OR5L1: variants seen among roughly 807,000 people sequenced by gnomAD.
OR5L1 encodes the protein olfactory receptor family 5 subfamily L member 1, also known as olfactory receptor 5L1.
For synonymous variants in OR5L1, 197 were observed against 146.6 expected, an observed-to-expected ratio of 1.34 and a Z score of -2.49; for missense variants, 398 against 365.8, an observed-to-expected ratio of 1.09 and a Z score of -0.72.
Position 55,812,299 on chromosome 11 carries a change from A to T in OR5L1, c.833A>T (p.Tyr278Phe). ...GDADKVATVF[Y>F]TVVIPMLNSV... ...GCTGACAAAGTGGCCACCGTGTTCT[A>T]CACAGTCGTGATTCCTATGCTGAAC... Residue 278 changes from tyrosine to phenylalanine, a missense_variant, in exon 1 of 1, where the codon TAC (tyrosine) becomes TTC (phenylalanine). Coordinates refer to ENST00000625203, the MANE Select transcript of OR5L1 (RefSeq NM_001004738.2). The T allele has an allele frequency of 6.2e-7, 1 of 1,613,824 alleles. No homozygotes were observed. Among genetic ancestry groups the T allele is most frequent in the African/African-American group, 1.3e-5 (1 of 74,842 alleles).
chr11:55,812,378 G>T lies in OR5L1; in HGVS notation c.912G>T (p.Val304=). ...NKDVKEALRK[V]MGSKIHS is the part of the protein sequence containing the mutation. The stretch of plus-strand genomic sequence containing the variant: ...ATGTGAAAGAAGCTCTCAGAAAAGT[G>T]ATGGGCTCCAAAATTCACTCCTAGG... The change falls in exon 1 of 1, where the codon GTG becomes GTT. Residue 304 remains valine (V), a synonymous_variant. Coordinates refer to ENST00000625203, the MANE Select transcript of OR5L1 (RefSeq NM_001004738.2). 1.9e-6 allele frequency: 3 copies of T among 1,609,142 alleles called. No individual in the cohort carries two copies. Among genetic ancestry groups the T allele is most frequent in the African/African-American group, 2.7e-5 (2 of 74,792 alleles).
rs753304279 is a variant in OR5L1 at position 55,812,189 on chromosome 11, T to C, written c.723T>C (p.Cys241=). ...GCAGGCACAAAGCCTTCTCCACCTG[T>C]GCTTCCCACCTCACAGCTATCACTG... ...AEGRHKAFST[C]ASHLTAITVF... The change falls in exon 1 of 1, where the codon TGT becomes TGC. Residue 241 remains cysteine, a synonymous_variant. Coordinates refer to ENST00000625203, the MANE Select transcript of OR5L1 (RefSeq NM_001004738.2). 1.2e-6 allele frequency: 2 copies of C among 1,613,928 alleles called. No individual in the cohort carries two copies. The highest frequency in any genetic ancestry group is 2.2e-5 in the East Asian group (1 of 44,858).
At position 55,811,716 on chromosome 11, in the gene OR5L1, A is replaced by C; in HGVS notation, c.250A>C (p.Asn84His). 6.2e-7 allele frequency: 1 copy of C among 1,614,090 alleles called. No homozygotes were observed. Among genetic ancestry groups the C allele is most frequent in the Non-Finnish European group, 8.5e-7 (1 of 1,180,042 alleles). Reference protein sequence around the residue: ...SSIIVPKMLANIFNKDKAISF... With the variant: ...SSIIVPKMLAHIFNKDKAISF... ...AATAATTGTGCCAAAAATGTTGGCT[A>C]ATATCTTTAACAAGGACAAAGCCAT... is the stretch of plus-strand genomic sequence containing the variant. Residue 84 changes from asparagine to histidine, a missense_variant, in exon 1 of 1, where the codon AAT (asparagine) becomes CAT (histidine). By Grantham distance (68) the Asn-to-His change is moderately conservative. Coordinates refer to ENST00000625203, the MANE Select transcript of OR5L1 (RefSeq NM_001004738.2).
At position 55,812,196 on chromosome 11, in the gene OR5L1, C is replaced by T; in HGVS notation, c.730C>T (p.His244Tyr). 1.1e-5 allele frequency: 18 copies of T among 1,613,984 alleles called. No homozygotes were observed. The highest frequency in any genetic ancestry group is 1.5e-5 in the Non-Finnish European group (18 of 1,180,034). Residue 244 changes from histidine to tyrosine, a missense_variant, in exon 1 of 1, where the codon CAC (histidine) becomes TAC (tyrosine). Transcript: ENST00000625203. ...RHKAFSTCAS[H>Y]LTAITVFHGT... The stretch of plus-strand genomic sequence containing the variant: ...CAAAGCCTTCTCCACCTGTGCTTCC[C>T]ACCTCACAGCTATCACTGTCTTCCA...
At position 55,812,281 on chromosome 11, in the gene OR5L1, A is replaced by AT; in HGVS notation, c.815_816insT (p.Lys272AsnfsTer24). 1 of 1,395,136 alleles carries AT rather than the reference A, an allele frequency of 7.2e-7. No individual in the cohort carries two copies. Among genetic ancestry groups the AT allele is most frequent in the South Asian group, 1.7e-5 (1 of 57,196 alleles). 86.4% of individuals were successfully genotyped at this position (1,395,136 alleles called of 1,614,324 possible). A position where few individuals can be genotyped will look rare whatever the true frequency, so the allele number is the denominator to read the frequency against. ...TCAGGCAATAGTGGAGATGCTGACA[A>AT]AGTGGCCACCGTGTTCTACACAGTC... On this transcript the variant is annotated frameshift_variant, in exon 1 of 1. Transcript: ENST00000625203. LOFTEE classifies it low-confidence loss of function (END_TRUNC).
In OR5L1 at chr11:55,811,640, C is replaced by T; in HGVS notation, c.174C>T (p.Pro58=). 1 of 1,614,008 alleles carries T rather than the reference C, an allele frequency of 6.2e-7. No individual in the cohort carries two copies. The highest frequency in any genetic ancestry group is 1.6e-4 in the Middle Eastern group (1 of 6,062). Residue 58 remains proline, a synonymous_variant, in exon 1 of 1, where the codon CCC becomes CCT. Coordinates refer to ENST00000625203, the MANE Select transcript of OR5L1 (RefSeq NM_001004738.2). ...LIQVSSRLHT[P]MYFFLSHLSS... ...AGGTCAGCTCTCGGCTCCACACCCC[C>T]ATGTACTTTTTCCTCAGCCACTTGT...
Position 55,811,589 on chromosome 11 carries a change from C to T in OR5L1, c.123C>T (p.Ala41=), listed in dbSNP as rs544742968. Residue 41 remains alanine, a synonymous_variant, in exon 1 of 1, where the codon GCC becomes GCT. Coordinates refer to ENST00000625203, the MANE Select transcript of OR5L1 (RefSeq NM_001004738.2). ...FLLIYGVTLL[A]NLGMIALIQV... ...TCATCTATGGAGTCACGTTGTTAGCCAACCTGGGCATGATTGCACTGATTC... is the reference window on the plus strand; with the variant it reads ...TCATCTATGGAGTCACGTTGTTAGCTAACCTGGGCATGATTGCACTGATTC... 8 of 1,613,996 alleles carry T rather than the reference C, an allele frequency of 5.0e-6. No homozygotes were observed. In the South Asian group the frequency reaches 6.6e-5, roughly 13 times the overall value.
In OR5L1 at chr11:55,811,903, C is replaced by G; in HGVS notation, c.437C>G (p.Ser146Cys). 1 of 1,613,970 alleles carries G rather than the reference C, an allele frequency of 6.2e-7. No homozygotes were observed. ...TGGAAGGTGCGTGTGGAGCTGGCTT[C>G]TTGCTGCTACTTCTGTGGGACGGTG... The part of the protein sequence containing the change: ...MSWKVRVELA[S>C]CCYFCGTVCS... The change falls in exon 1 of 1, where the codon TCT (serine) becomes TGT (cysteine). Residue 146 changes from serine to cysteine, a missense_variant. Ser to Cys is a moderately radical substitution (Grantham distance 112, BLOSUM62 -1). Coordinates refer to ENST00000625203, the MANE Select transcript of OR5L1 (RefSeq NM_001004738.2).
Position 55,812,302 on chromosome 11 carries a change from C to T in OR5L1, c.836C>T (p.Thr279Ile). 2 of 1,613,838 alleles carry T rather than the reference C, an allele frequency of 1.2e-6. No homozygotes were observed. The highest frequency in any genetic ancestry group is 2.2e-5 in the East Asian group (1 of 44,878). Residue 279 changes from threonine to isoleucine, a missense_variant, in exon 1 of 1, where the codon ACA (threonine) becomes ATA (isoleucine). Physicochemically the swap from Thr to Ile is moderately conservative, Grantham distance 89 (BLOSUM62 -1). Transcript: ENST00000625203. ...GACAAAGTGGCCACCGTGTTCTACACAGTCGTGATTCCTATGCTGAACTCT... is the reference window on the plus strand; with the variant it reads ...GACAAAGTGGCCACCGTGTTCTACATAGTCGTGATTCCTATGCTGAACTCT... ...DADKVATVFY[T>I]VVIPMLNSVI...
chr11:55,812,278 A>G lies in OR5L1; in HGVS notation c.812A>G (p.Asp271Gly), dbSNP rs141628276. The change falls in exon 1 of 1, where the codon GAC (aspartate) becomes GGC (glycine). Residue 271 changes from aspartate (D) to glycine (G), a missense_variant. Asp to Gly is a moderately conservative substitution (Grantham distance 94, BLOSUM62 -1). Transcript: ENST00000625203. ...RPSSGNSGDA[D>G]KVATVFYTVV... The stretch of plus-strand genomic sequence containing the variant: ...AGTTCAGGCAATAGTGGAGATGCTG[A>G]CAAAGTGGCCACCGTGTTCTACACA... 6.1e-5 allele frequency: 98 copies of G among 1,610,552 alleles called. No homozygotes were observed. Among genetic ancestry groups the G allele is most frequent in the Non-Finnish European group, 7.1e-5 (84 of 1,179,024 alleles).
chr11:55,812,419 A>G lies in OR5L1; in HGVS notation c.*17A>G, dbSNP rs766574619. 2.6e-6 allele frequency: 4 copies of G among 1,567,378 alleles called. No individual in the cohort carries two copies. The highest frequency in any genetic ancestry group is 3.5e-6 in the Non-Finnish European group (4 of 1,151,096). On this transcript the variant is annotated 3_prime_UTR_variant, in exon 1 of 1. Coordinates refer to ENST00000625203, the MANE Select transcript of OR5L1 (RefSeq NM_001004738.2). Reference sequence around the variant, plus strand: ...CACTCCTAGGGAAGATTTTATTAGCACAATTCAGGATTCCCAAGTAGTGGC... The same window carrying G: ...CACTCCTAGGGAAGATTTTATTAGCGCAATTCAGGATTCCCAAGTAGTGGC...
Position 55,811,445 on chromosome 11 carries a change from C to T in OR5L1, c.-22C>T. On this transcript the variant is annotated 5_prime_UTR_variant, in exon 1 of 1. Coordinates refer to ENST00000625203, the MANE Select transcript of OR5L1 (RefSeq NM_001004738.2). ...AATAATTTTTAAGTTTCTTTTCCTC[C>T]AATCTCATATAAATTGGAGACATGG... 1.9e-6 allele frequency: 3 copies of T among 1,593,718 alleles called. No homozygotes were observed. The highest frequency in any genetic ancestry group is 2.6e-6 in the Non-Finnish European group (3 of 1,170,182).
chr11:55,811,448 T>A lies in OR5L1; in HGVS notation c.-19T>A, dbSNP rs550734787. 27 of 1,597,240 alleles carry A rather than the reference T, an allele frequency of 1.7e-5. No individual in the cohort carries two copies. The South Asian group carries it at 2.3e-4, about 13-fold the overall frequency. On this transcript the variant is annotated 5_prime_UTR_variant, in exon 1 of 1. Coordinates refer to ENST00000625203, the MANE Select transcript of OR5L1 (RefSeq NM_001004738.2). Reference sequence around the variant, plus strand: ...AATTTTTAAGTTTCTTTTCCTCCAATCTCATATAAATTGGAGACATGGGCA... The same window carrying A: ...AATTTTTAAGTTTCTTTTCCTCCAAACTCATATAAATTGGAGACATGGGCA...
Position 55,812,288 on chromosome 11 carries a change from C to T in OR5L1, c.822C>T (p.Ala274=), listed in dbSNP as rs747594618. The T allele has an allele frequency of 5.6e-6, 9 of 1,613,666 alleles. No individual in the cohort carries two copies. The highest frequency in any genetic ancestry group is 4.0e-5 in the African/African-American group (3 of 74,714). ...SGNSGDADKV[A]TVFYTVVIPM... ...ATAGTGGAGATGCTGACAAAGTGGC[C>T]ACCGTGTTCTACACAGTCGTGATTC... Residue 274 remains alanine (A), a synonymous_variant, in exon 1 of 1, where the codon GCC becomes GCT. Transcript: ENST00000625203.
Position 55,811,455 on chromosome 11 carries a change from T to C in OR5L1, c.-12T>C. ...AAGTTTCTTTTCCTCCAATCTCATA[T>C]AAATTGGAGACATGGGCAAGGAAAA... On this transcript the variant is annotated 5_prime_UTR_variant, in exon 1 of 1. Coordinates refer to ENST00000625203, the MANE Select transcript of OR5L1 (RefSeq NM_001004738.2). The C allele has an allele frequency of 6.2e-7, 1 of 1,604,108 alleles. No homozygotes were observed. The highest frequency in any genetic ancestry group is 8.5e-7 in the Non-Finnish European group (1 of 1,175,100).
rs1316319184 is a variant in OR5L1 at position 55,812,057 on chromosome 11, A to C, written c.591A>C (p.Thr197=). 6.2e-7 allele frequency: 1 copy of C among 1,613,844 alleles called. No individual in the cohort carries two copies. Among genetic ancestry groups the C allele is most frequent in the Non-Finnish European group, 8.5e-7 (1 of 1,180,022 alleles). The change falls in exon 1 of 1, where the codon ACA becomes ACC. Residue 197 remains threonine (T), a synonymous_variant. Coordinates refer to ENST00000625203, the MANE Select transcript of OR5L1 (RefSeq NM_001004738.2). ...LACSDITVNE[T]LLFLVATLNE... is the part of the protein sequence containing the mutation. ...GCTCTGATATCACTGTGAATGAGAC[A>C]CTGCTGTTCCTGGTGGCCACTTTGA...
At position 55,811,895 on chromosome 11, in the gene OR5L1, G is replaced by T. The variant is rs1853698530; in HGVS notation, c.429G>T (p.Glu143Asp). The change falls in exon 1 of 1, where the codon GAG becomes GAT. Residue 143 changes from glutamate to aspartate, a missense_variant. Glu to Asp is a conservative substitution (Grantham distance 45). Transcript: ENST00000625203. Reference sequence around the variant, plus strand: ...CCATGTCTTGGAAGGTGCGTGTGGAGCTGGCTTCTTGCTGCTACTTCTGTG... The same window carrying T: ...CCATGTCTTGGAAGGTGCGTGTGGATCTGGCTTCTTGCTGCTACTTCTGTG... ...TVTMSWKVRV[E>D]LASCCYFCGT... 5 of 1,613,988 alleles carry T rather than the reference G, an allele frequency of 3.1e-6. No individual in the cohort carries two copies. The highest frequency in any genetic ancestry group is 3.4e-6 in the Non-Finnish European group (4 of 1,180,024).
In OR5L1 at chr11:55,811,767, T is replaced by A; in HGVS notation, c.301T>A (p.Phe101Ile). The change falls in exon 1 of 1, where the codon TTC (phenylalanine) becomes ATC (isoleucine). Residue 101 changes from phenylalanine to isoleucine, a missense_variant. Phe to Ile is a conservative substitution (Grantham distance 21, BLOSUM62 0). Transcript: ENST00000625203. ...AISFLGCMVQ[F>I]YLFCTCVVTE... ...CTCCTTCCTAGGGTGCATGGTGCAATTCTACTTGTTTTGCACTTGTGTGGT... is the reference window on the plus strand; with the variant it reads ...CTCCTTCCTAGGGTGCATGGTGCAAATCTACTTGTTTTGCACTTGTGTGGT... 3 of 1,614,034 alleles carry A rather than the reference T, an allele frequency of 1.9e-6. No homozygotes were observed. The highest frequency in any genetic ancestry group is 2.5e-6 in the Non-Finnish European group (3 of 1,180,026).
chr11:55,811,560 C>T lies in OR5L1; in HGVS notation c.94C>T (p.Leu32Phe). The change falls in exon 1 of 1, where the codon CTT (leucine) becomes TTT (phenylalanine). Residue 32 changes from leucine to phenylalanine, a missense_variant. Leu to Phe is a conservative substitution (Grantham distance 22). Transcript: ENST00000625203. ...ELRVCLFLLF[L>F]LIYGVTLLAN... ...GAGAGTCTGCCTCTTCCTGCTGTTC[C>T]TTCTCATCTATGGAGTCACGTTGTT... The T allele has an allele frequency of 1.9e-6, 3 of 1,613,944 alleles. No homozygotes were observed. The highest frequency in any genetic ancestry group is 2.5e-6 in the Non-Finnish European group (3 of 1,180,032).
Sources: gnomAD v4.1 joint callset for allele counts on GRCh38, gnomAD v4.1.1 for gene constraint, MANE v1.5 for transcripts, NCBI Gene and HGNC (gene_info 2026-07-23, HGNC 2026-07-21) for gene names.